TRPC5OS: variants seen among roughly 807,000 people sequenced by gnomAD.
TRPC5OS encodes the protein putative uncharacterized protein TRPC5OS.
For missense variants in TRPC5OS, 64 were observed against 79.3 expected (o/e 0.81, Z 0.73); for synonymous variants, 30 against 29.3 (o/e 1.02, Z -0.08).
chrX:111,882,390 G>A (rs952693662), intron 1 of TRPC5OS, among the ~76,000 whole-genome samples: 2 of 112,045 alleles, frequency 1.8e-5, no homozygotes, highest in African/African-American at 3.2e-5. Flanking sequence ...CCCAGAGTAC[G>A]GCCTGAAACT....
intron 1 of TRPC5OS, among the ~76,000 whole-genome samples, chrX:111,890,564 C>G (rs1045947398): frequency 8.1e-5 from 9 of 111,196 alleles, no homozygotes; most frequent in African/African-American, 2.6e-4. Context: ...TCCTGTACAC[C>G]AAGAGACAAA....
chrX:111,886,153 G>A (rs1042057200), intron 1 of TRPC5OS, among the ~76,000 whole-genome samples: 10 of 111,673 alleles, frequency 9.0e-5, no homozygotes, highest in African/African-American at 3.3e-4. Flanking sequence ...GGTGGTGGGC[G>A]CCTGTAATCC....
intron 1 of TRPC5OS, among the ~76,000 whole-genome samples, chrX:111,879,395 A>T (rs1924099373): frequency 8.9e-6 from 1 of 112,015 alleles, no homozygotes; most frequent in African/African-American, 3.2e-5. Flanking sequence ...GGTCACAGGG[A>T]ATGAATGGAT....
chrX:111,892,919 G>A (rs1295500342), intron 1 of TRPC5OS, among the ~76,000 whole-genome samples: 1 of 111,453 alleles, frequency 9.0e-6, no homozygotes, highest in East Asian at 2.8e-4. Flanking sequence ...TTTATTAGGT[G>A]CTAATTATAT....
At chrX:111,888,440 C>T (rs1323530830) in intron 1 of TRPC5OS, among the ~76,000 whole-genome samples, 2 of 103,462 alleles carry the variant, frequency 1.9e-5, no homozygotes, top group Non-Finnish European at 2.0e-5. Flanking sequence ...TTTGGGAGGC[C>T]GAGGCGGGCG....
intron 1 of TRPC5OS, among the ~76,000 whole-genome samples, chrX:111,882,262 T>C (rs1287469803): frequency 4.5e-5 from 5 of 110,764 alleles, no homozygotes; most frequent in Non-Finnish European, 9.4e-5. Context: ...GGAGTGTCAA[T>C]TCAGGGGTTG....
At chrX:111,886,174 G>GTA (rs1924486087) in intron 1 of TRPC5OS, among the ~76,000 whole-genome samples, 1 of 111,996 alleles carries the variant, frequency 8.9e-6, no homozygotes, top group African/African-American at 3.2e-5. Context: ...CAGCTACTCA[G>GTA]GAGGCTGAGG....
intron 3 of TRPC5OS, among the ~76,000 whole-genome samples, chrX:111,896,792 T>G (rs918293128): frequency 1.8e-5 from 2 of 112,132 alleles, no homozygotes; most frequent in Admixed American, 9.5e-5. Flanking sequence ...AAGTCCGACC[T>G]GGGCTGACAT....
At chrX:111,900,433 C>T (rs1029475627) in intron 3 of TRPC5OS, among the ~76,000 whole-genome samples, 5 of 111,739 alleles carry the variant, frequency 4.5e-5, no homozygotes, top group Middle Eastern at 4.6e-3. Context: ...GCCATATAGA[C>T]CTGGACTATT....
At position 111,886,734 on chromosome X, in the gene TRPC5OS, A is replaced by G. The variant is rs374519901; in HGVS notation, c.-545-9217A>G. 1.1e-4 allele frequency among the ~76,000 whole-genome samples: 12 copies of G among 112,093 alleles called. No individual in the cohort carries two copies. In the East Asian group the frequency reaches 2.5e-3, roughly 24 times the overall value. On this transcript the variant is annotated intron_variant, in intron 1 of 3. Coordinates refer to ENST00000635763, the MANE Select transcript of TRPC5OS (RefSeq NM_001195578.2). ...CTCCCTCTCTGGTACTGTGGATTCAATTGCCAGAAGGTACCGAGGACTTGG... is the reference window on the plus strand; with the variant it reads ...CTCCCTCTCTGGTACTGTGGATTCAGTTGCCAGAAGGTACCGAGGACTTGG...
At chrX:111,891,284 A>G (rs6655089) in intron 1 of TRPC5OS, among the ~76,000 whole-genome samples, 1,708 of 111,894 alleles carry the variant, frequency 0.015, 29 homozygotes, top group African/African-American at 0.053. Context: ...TCTTTGAGGA[A>G]TTGCCACACT....
At chrX:111,887,373 C>T (rs1273358639) in intron 1 of TRPC5OS, among the ~76,000 whole-genome samples, 1 of 112,184 alleles carries the variant, frequency 8.9e-6, no homozygotes, top group Admixed American at 9.4e-5. Flanking sequence ...AAGCTCAGGT[C>T]TTTGATTGAC....
intron 3 of TRPC5OS, among the ~76,000 whole-genome samples, chrX:111,898,742 C>A (rs1925192089): frequency 9.1e-6 from 1 of 110,078 alleles, no homozygotes; most frequent in Non-Finnish European, 1.9e-5. Context: ...TAGATACCAT[C>A]ATGCAAAAAT....
At chrX:111,877,000 A>G (rs1262654231) in intron 1 of TRPC5OS, among the ~76,000 whole-genome samples, 2 of 111,721 alleles carry the variant, frequency 1.8e-5, no homozygotes, top group Non-Finnish European at 3.8e-5. Flanking sequence ...GTAAAACTTC[A>G]ATATTGATTA....
chrX:111,882,817 G>A (rs1357345077), intron 1 of TRPC5OS, among the ~76,000 whole-genome samples: 2 of 112,422 alleles, frequency 1.8e-5, no homozygotes, highest in Admixed American at 9.4e-5. Flanking sequence ...TGGGCGCTGT[G>A]GCTCATGCCT....
At chrX:111,888,693 C>CAAAAAAAAAAAAAAAAAAAAAAAAA (rs753735549) in intron 1 of TRPC5OS, among the ~76,000 whole-genome samples, 1 of 10,985 alleles carries the variant, frequency 9.1e-5, no homozygotes, top group Admixed American at 1.5e-3. Context: ...GACTCTATCT[C>CAAAAAAAAAAAAAAAAAAAAAAAAA]AAAAAAAAAA....
At chrX:111,887,160 A>G (rs1374451278) in intron 1 of TRPC5OS, among the ~76,000 whole-genome samples, 1 of 112,448 alleles carries the variant, frequency 8.9e-6, no homozygotes, top group East Asian at 2.8e-4. Context: ...GGACTCTCAC[A>G]TCTCCCTTTA....
chrX:111,888,631 T>C (rs1161280808), intron 1 of TRPC5OS, among the ~76,000 whole-genome samples: 1 of 90,150 alleles, frequency 1.1e-5, no homozygotes, highest in African/African-American at 4.4e-5. Flanking sequence ...GAGGTGGAGG[T>C]TGTGGTGAGC....
intron 1 of TRPC5OS, among the ~76,000 whole-genome samples, chrX:111,893,788 C>A (rs1011615202): frequency 8.9e-6 from 1 of 111,989 alleles, no homozygotes; most frequent in Non-Finnish European, 1.9e-5. Context: ...GATCCTATAA[C>A]AGGCAAATGC....
Sources: allele counts gnomAD v4.1 joint callset (sites outside exome capture counted in the v4.1 genomes callset), GRCh38; gene constraint gnomAD v4.1.1; transcripts MANE v1.5; gene names NCBI Gene and HGNC (gene_info 2026-07-23, HGNC 2026-07-21).